Variants in DPP9 observed in about 807,000 individuals in gnomAD.
DPP9 encodes dipeptidyl peptidase IV-related protein-2.
DPP9 carries 50 observed loss-of-function variants against 110.7 expected under a neutral mutation model. The observed-to-expected ratio is 0.45, with a 90% CI of 0.36 to 0.57. The LOEUF (loss-of-function observed/expected upper bound fraction) is 0.57, where lower values mean the gene tolerates loss of function less well. DPP9 is among the 20% of genes least tolerant of loss of function. DPP9 has a pLI of 0.00. For synonymous variants in DPP9, 561 were observed against 514.4 expected (o/e 1.09, Z -1.23); for missense variants, 1,022 against 1,217.9 (o/e 0.84, Z 2.39).
rs1437829420 is a variant in DPP9 at position 4,694,610 on chromosome 19, C to T, written c.1516+51G>A. ...ACCAATGAACAAACAGCATATTGAACCACACGTGACTAACGCGATGAGTCG... is the reference window on the plus strand; with the variant it reads ...ACCAATGAACAAACAGCATATTGAATCACACGTGACTAACGCGATGAGTCG... On this transcript the variant is annotated intron_variant, in intron 13 of 21. Coordinates refer to ENST00000262960, the MANE Select transcript of DPP9 (RefSeq NM_139159.5). The surrounding 1 kb of genome is among the most constrained non-coding windows in gnomAD (Gnocchi z 4.0). 3 of 1,575,032 alleles carry T rather than the reference C, an allele frequency of 1.9e-6. No homozygotes were observed. The highest frequency in any genetic ancestry group is 2.3e-5 in the East Asian group (1 of 43,042).
intron 5 of DPP9, among the ~76,000 whole-genome samples, chr19:4,705,340 C>G (rs570797035): frequency 1.3e-5 from 2 of 152,320 alleles, no homozygotes; most frequent in East Asian, 3.9e-4. Flanking sequence ...CCTCCCATCT[C>G]AGCCTACCAA....
rs533812127 is a variant in DPP9 at position 4,689,745 on chromosome 19, C to T, written c.1597-23G>A. On this transcript the variant is annotated intron_variant, in intron 14 of 21. Transcript: ENST00000262960. This position sits in a 1 kb window ranked among gnomAD's most constrained non-coding sequence, Gnocchi z 7.0. ...GATCTGCAGGGGGACAGGGGATCCT[C>T]GTGATGCGTCCCAGATGCCCCTGGG... is the stretch of plus-strand genomic sequence containing the variant. 5.7e-5 allele frequency: 87 copies of T among 1,535,972 alleles called. No homozygotes were observed. In the Middle Eastern group the frequency reaches 1.2e-3, roughly 21 times the overall value.
chr19:4,685,450 G>T lies in DPP9; in HGVS notation c.2031+176C>A. 1 of 705,782 alleles carries T rather than the reference G, an allele frequency of 1.4e-6. No individual in the cohort carries two copies. Among genetic ancestry groups the T allele is most frequent in the South Asian group, 1.6e-5 (1 of 61,234 alleles). The allele number at this position is 705,782 out of a possible 1,614,324, so 43.7% of individuals were successfully genotyped here. A position where few individuals can be genotyped will look rare whatever the true frequency, so the allele number is the denominator to read the frequency against. The stretch of plus-strand genomic sequence containing the variant: ...CGTGCAAACGGGCACAGAGAAAGGA[G>T]GGTGAGGGGCCCCGAGGACCCTGTG... On this transcript the variant is annotated intron_variant, in intron 17 of 21. Coordinates refer to ENST00000262960, the MANE Select transcript of DPP9 (RefSeq NM_139159.5). The surrounding 1 kb of genome is among the most constrained non-coding windows in gnomAD (Gnocchi z 5.8).
In DPP9 at chr19:4,694,471, C is replaced by T. The variant is rs2091612696; in HGVS notation, c.1516+190G>A. ...TCAGTAAATCTGCTGCCTGAATAAGCCAACAGTTGGGTGCTCTAAGCCCTG... is the reference window on the plus strand; with the variant it reads ...TCAGTAAATCTGCTGCCTGAATAAGTCAACAGTTGGGTGCTCTAAGCCCTG... On this transcript the variant is annotated intron_variant, in intron 13 of 21. Transcript: ENST00000262960. The surrounding 1 kb of genome is among the most constrained non-coding windows in gnomAD (Gnocchi z 4.0). 1 of 711,394 alleles carries T rather than the reference C, an allele frequency of 1.4e-6. No individual in the cohort carries two copies. The highest frequency in any genetic ancestry group is 2.3e-6 in the Non-Finnish European group (1 of 440,578). 44.1% of individuals were successfully genotyped at this position (711,394 alleles called of 1,614,324 possible).
In DPP9 at chr19:4,676,491, G is replaced by A. The variant is rs1278699684; in HGVS notation, c.*73C>T. The A allele has an allele frequency of 7.3e-7, 1 of 1,362,994 alleles. No individual in the cohort carries two copies. The highest frequency in any genetic ancestry group is 1.0e-6 in the Non-Finnish European group (1 of 977,204). 84.4% of individuals were successfully genotyped at this position (1,362,994 alleles called of 1,614,324 possible). A position where few individuals can be genotyped will look rare whatever the true frequency, so the allele number is the denominator to read the frequency against. On this transcript the variant is annotated 3_prime_UTR_variant, in exon 22 of 22. Transcript: ENST00000262960. The surrounding 1 kb of genome is among the most constrained non-coding windows in gnomAD (Gnocchi z 4.0). The stretch of plus-strand genomic sequence containing the variant: ...CTCACTGGGGCCCGCGGGCCACTCA[G>A]TCCCTCCCGCCTGGTTCCCCGCGGA...
At position 4,694,414 on chromosome 19, in the gene DPP9, G is replaced by A. The variant is rs2091608112; in HGVS notation, c.1516+247C>T. The A allele has an allele frequency of 1.8e-6, 1 of 556,022 alleles. No individual in the cohort carries two copies. Among genetic ancestry groups the A allele is most frequent in the Non-Finnish European group, 3.2e-6 (1 of 317,052 alleles). 34.4% of individuals were successfully genotyped at this position (556,022 alleles called of 1,614,324 possible). ...GTGGGCCGTAGGTGGCCAACCCCTG[G>A]TTGTGCTAAGGGCCTGGCACAGGGG... On this transcript the variant is annotated intron_variant, in intron 13 of 21. Transcript: ENST00000262960. The surrounding 1 kb of genome is among the most constrained non-coding windows in gnomAD (Gnocchi z 4.0).
chr19:4,680,013 C>T (rs2089588362), intron 20 of DPP9, 67 bp from the exon 21 acceptor site: 2 of 1,177,906 alleles, frequency 1.7e-6, no homozygotes, highest in East Asian at 2.5e-5. Context: ...GAGCAGATCA[C>T]AAGGTCAGGA....
intron 4 of DPP9, among the ~76,000 whole-genome samples, chr19:4,711,549 G>C (rs1001308772): frequency 6.6e-6 from 1 of 152,064 alleles, no homozygotes; most frequent in African/African-American, 2.4e-5. Flanking sequence ...GAGGCAGGCG[G>C]ATCACCTGAG....
intron 7 of DPP9, 67 bp from the exon 8 acceptor site, chr19:4,702,783 G>T: frequency 1.1e-6 from 1 of 915,288 alleles, no homozygotes; most frequent in Non-Finnish European, 1.6e-6. Flanking sequence ...ACAGCCAGGG[G>T]CTCAAGGAGA....
chr19:4,680,675 T>A lies in DPP9; in HGVS notation c.2475-729A>T, dbSNP rs868402864. Among the ~76,000 whole-genome samples the A allele has an allele frequency of 9.0e-3, 953 of 106,190 alleles. 5 individuals carry two copies. The highest frequency in any genetic ancestry group is 0.012 in the Non-Finnish European group (627 of 52,132). The allele number at this position is 106,190 out of a possible 152,430, so 69.7% of individuals were successfully genotyped here. A position where few individuals can be genotyped will look rare whatever the true frequency, so the allele number is the denominator to read the frequency against. ...TATGATTAAAAAAAAAAAAAAAAAA[T>A]GCTGAGCATGGTGGCTTACACCTGT... is the stretch of plus-strand genomic sequence containing the variant. On this transcript the variant is annotated intron_variant, in intron 20 of 21. Transcript: ENST00000262960.
intron 10 of DPP9, among the ~76,000 whole-genome samples, chr19:4,699,670 G>A (rs964560104): frequency 1.1e-4 from 16 of 152,104 alleles, no homozygotes; most frequent in African/African-American, 9.7e-5. Context: ...TGACCCCCAG[G>A]TGATGAGGAC....
rs1217924072 is a variant in DPP9, at chr19:4,702,093, C to T, written c.946G>A (p.Val316Ile). ...AGCGCAGGAGAGGGGACGTGAATGA[C>T]CTCCACCTCGGACTCATCGACTTCC... The part of the protein sequence containing the change: ...YEEVDESEVE[V>I]IHVPSPALEE... Residue 316 changes from valine (V) to isoleucine (I), a missense_variant, in exon 9 of 22, where the codon GTC becomes ATC. Coordinates refer to ENST00000262960, the MANE Select transcript of DPP9 (RefSeq NM_139159.5). The T allele has an allele frequency of 6.2e-7, 1 of 1,613,976 alleles. No homozygotes were observed. Among genetic ancestry groups the T allele is most frequent in the Non-Finnish European group, 8.5e-7 (1 of 1,179,860 alleles).
rs769713443 is a variant in DPP9, at chr19:4,685,726, G to A, written c.1931C>T (p.Thr644Met). Reference protein sequence around the residue: ...YVPPEIFHFHTRSDVRLYGMI... With the variant: ...YVPPEIFHFHMRSDVRLYGMI... Reference sequence around the variant, plus strand: ...GCCGTAGAGCCGCACATCCGAGCGCGTGTGGAAATGGAAGATCTCTGGAGG... The same window carrying A: ...GCCGTAGAGCCGCACATCCGAGCGCATGTGGAAATGGAAGATCTCTGGAGG... Residue 644 changes from threonine (T) to methionine (M), a missense_variant, in exon 17 of 22, where the codon ACG becomes ATG. Coordinates refer to ENST00000262960, the MANE Select transcript of DPP9 (RefSeq NM_139159.5). This position sits in a 1 kb window ranked among gnomAD's most constrained non-coding sequence, Gnocchi z 5.8. 12 of 1,613,382 alleles carry A rather than the reference G, an allele frequency of 7.4e-6. No individual in the cohort carries two copies. Among genetic ancestry groups the A allele is most frequent in the African/African-American group, 2.7e-5 (2 of 74,884 alleles).
At chr19:4,722,292 C>T (rs1599967900) in intron 2 of DPP9, 1 of 564,280 alleles carries the variant, frequency 1.8e-6, no homozygotes, top group Admixed American at 3.1e-5. Context: ...CAAAAAGCTC[C>T]TTCCAGGGGC....
chr19:4,680,391 C>G (rs1050812065), intron 20 of DPP9, among the ~76,000 whole-genome samples: 3 of 150,224 alleles, frequency 2.0e-5, no homozygotes, highest in Admixed American at 6.6e-5. Context: ...GGTGACAGAG[C>G]AAGACCCCAT....
In DPP9 at chr19:4,700,306, A is replaced by T. The variant is rs751972811; in HGVS notation, c.1013-29T>A. 8.2e-6 allele frequency: 13 copies of T among 1,584,110 alleles called. No homozygotes were observed. Among genetic ancestry groups the T allele is most frequent in the Non-Finnish European group, 1.1e-5 (13 of 1,161,116 alleles). ...CAAAAACCGAAGTGAGGTGAACACC[A>T]GGCAGGCATCACCCGTGTGTGCCGA... On this transcript the variant is annotated intron_variant, in intron 9 of 21. Transcript: ENST00000262960. The surrounding 1 kb of genome is among the most constrained non-coding windows in gnomAD (Gnocchi z 4.3).
At chr19:4,696,429 G>C (rs1291077264) in intron 11 of DPP9, among the ~76,000 whole-genome samples, 1 of 151,282 alleles carries the variant, frequency 6.6e-6, no homozygotes, top group African/African-American at 2.4e-5. Context: ...AGACCTGCCT[G>C]GGCCTGGGCA....
chr19:4,713,867 C>A (rs1035473025), intron 4 of DPP9, among the ~76,000 whole-genome samples: 1 of 152,114 alleles, frequency 6.6e-6, no homozygotes, highest in Admixed American at 6.5e-5. Context: ...GCTCCCTGCA[C>A]GGCTGACCCT....
At chr19:4,703,725 C>T (rs991176115) in intron 7 of DPP9, among the ~76,000 whole-genome samples, 161 bp downstream of exon 7, 3 of 150,808 alleles carry the variant, frequency 2.0e-5, no homozygotes, top group Non-Finnish European at 2.9e-5. Flanking sequence ...GGCAGGGACG[C>T]CAGGACCTCC....
Sources: gnomAD v4.1 joint callset for allele counts (sites outside exome capture counted in the v4.1 genomes callset) on GRCh38, gnomAD v4.1.1 for gene constraint, Gnocchi (gnomAD v3.1) non-coding constraint, MANE v1.5 for transcripts, NCBI Gene and HGNC (gene_info 2026-07-23, HGNC 2026-07-21) for gene names.